Variants in GPC6 observed in about 807,000 individuals in gnomAD.
The protein encoded by GPC6 is glypican-6.
A neutral mutation model predicts 55.2 loss-of-function variants in GPC6; 14 were observed. That is an observed-to-expected ratio of 0.25 (90% CI 0.17 to 0.40). GPC6 has a LOEUF of 0.40. Among genes scored for constraint, GPC6 ranks in the 10% least tolerant of loss-of-function variants. The pLI is 1.00. For missense variants in GPC6, 641 were observed against 708.5 expected, an observed-to-expected ratio of 0.90 and a Z score of 1.08; for synonymous variants, 278 against 259.6, an observed-to-expected ratio of 1.07 and a Z score of -0.68.
At chr13:93,521,352 T>G (rs1881415675) in intron 1 of GPC6, among the ~76,000 whole-genome samples, 1 of 151,938 alleles carries the variant, frequency 6.6e-6, no homozygotes, top group Non-Finnish European at 1.5e-5. Context: ...GAAATTATCT[T>G]GATGCGATAG....
intron 4 of GPC6, among the ~76,000 whole-genome samples, chr13:94,263,070 A>T (rs1278357686): frequency 6.6e-6 from 1 of 152,228 alleles, no homozygotes; most frequent in Non-Finnish European, 1.5e-5. Flanking sequence ...CTTCCTTCAT[A>T]TGTTGTCTCA....
chr13:93,453,647 A>G (rs1878314275), intron 1 of GPC6, among the ~76,000 whole-genome samples: 1 of 151,050 alleles, frequency 6.6e-6, no homozygotes, highest in Admixed American at 6.6e-5. Flanking sequence ...TCGCGGTCTC[A>G]CTGGCTCAGG....
At chr13:94,353,390 C>T (rs1256431837) in intron 6 of GPC6, among the ~76,000 whole-genome samples, 1 of 152,142 alleles carries the variant, frequency 6.6e-6, no homozygotes, top group Non-Finnish European at 1.5e-5. Context: ...ATTGCTTTAT[C>T]CTCTCTCCTC....
At chr13:94,175,770 T>C (rs1281217644) in intron 4 of GPC6, among the ~76,000 whole-genome samples, 1 of 150,236 alleles carries the variant, frequency 6.7e-6, no homozygotes, top group Non-Finnish European at 1.5e-5. Flanking sequence ...TGAGCATCTT[T>C]CATATATATA....
chr13:94,000,185 A>C (rs1457381344), intron 3 of GPC6, among the ~76,000 whole-genome samples: 1 of 152,162 alleles, frequency 6.6e-6, no homozygotes, highest in African/African-American at 2.4e-5. Context: ...CCAACTAGAC[A>C]TGTAGATAGT....
intron 2 of GPC6, among the ~76,000 whole-genome samples, chr13:93,828,443 C>T (rs1201281115): frequency 1.3e-5 from 2 of 151,842 alleles, no homozygotes; most frequent in Non-Finnish European, 2.9e-5. Context: ...ATGAAATTCT[C>T]TTGATTTCCT....
chr13:94,286,390 A>G lies in GPC6; in HGVS notation c.919A>G (p.Asn307Asp), dbSNP rs750645627. 1 of 1,613,786 alleles carries G rather than the reference A, an allele frequency of 6.2e-7. No homozygotes were observed. The highest frequency in any genetic ancestry group is 1.1e-5 in the South Asian group (1 of 91,078). ...LVAERLEGPF[N>D]IESVMDPIDV... ...GGCAGAGCGACTGGAGGGGCCATTCAACATTGAGTCGGTCATGGACCCGAT... is the reference window on the plus strand; with the variant it reads ...GGCAGAGCGACTGGAGGGGCCATTCGACATTGAGTCGGTCATGGACCCGAT... Residue 307 changes from asparagine to aspartate, a missense_variant, in exon 5 of 9, where the codon AAC becomes GAC. Asn to Asp is a conservative substitution (Grantham distance 23, BLOSUM62 1). Transcript: ENST00000377047.
intron 1 of GPC6, among the ~76,000 whole-genome samples, chr13:93,312,178 C>T (rs1879092457): frequency 6.6e-6 from 1 of 152,024 alleles, no homozygotes. Context: ...GGAAAATAGT[C>T]AGTTTTTTGT....
intron 2 of GPC6, among the ~76,000 whole-genome samples, chr13:93,788,779 T>G (rs771086509): frequency 6.6e-6 from 1 of 152,086 alleles, no homozygotes; most frequent in Non-Finnish European, 1.5e-5. Context: ...AGACAGGCTA[T>G]ATTAAGCCAA....
chr13:93,819,625 C>G (rs9589848), intron 2 of GPC6, among the ~76,000 whole-genome samples: 57,851 of 152,018 alleles, frequency 0.38, 11,891 homozygotes, highest in African/African-American at 0.53. Flanking sequence ...TGATGAAAGT[C>G]AACTGCGAAA....
At chr13:94,327,759 A>T (rs1877202205) in intron 6 of GPC6, among the ~76,000 whole-genome samples, 2 of 152,192 alleles carry the variant, frequency 1.3e-5, no homozygotes, top group Non-Finnish European at 2.9e-5. Flanking sequence ...GAAGTGTGAT[A>T]CCCAGTAAAA....
At chr13:94,379,690 C>A (rs1417832981) in intron 6 of GPC6, among the ~76,000 whole-genome samples, 1 of 152,140 alleles carries the variant, frequency 6.6e-6, no homozygotes, top group South Asian at 2.1e-4. Context: ...CCTGTGTGAC[C>A]AACTAATCCT....
intron 3 of GPC6, among the ~76,000 whole-genome samples, chr13:93,868,347 A>G (rs573955727): frequency 7.9e-5 from 12 of 151,914 alleles, no homozygotes; most frequent in African/African-American, 2.6e-4. Context: ...ATTTCTGTCT[A>G]TATAGTTATA....
At chr13:93,220,421 C>T in the GPC6 span, among the ~76,000 whole-genome samples, 1 of 152,172 alleles carries the variant, frequency 6.6e-6, no homozygotes, top group Non-Finnish European at 1.5e-5. Context: ...AATCATCTCT[C>T]ATAACATTAA....
chr13:94,214,621 T>A (rs1385860679), intron 4 of GPC6, among the ~76,000 whole-genome samples: 1 of 152,200 alleles, frequency 6.6e-6, no homozygotes, highest in African/African-American at 2.4e-5. Context: ...GTTGGCCCTC[T>A]ATCTATTTAC....
At chr13:93,449,709 T>A (rs1878150044) in intron 1 of GPC6, among the ~76,000 whole-genome samples, 1 of 151,784 alleles carries the variant, frequency 6.6e-6, no homozygotes, top group Non-Finnish European at 1.5e-5. Context: ...GCACCTGTAA[T>A]CCCAGCTACT....
chr13:94,386,722 G>T (rs1301508903), intron 7 of GPC6, among the ~76,000 whole-genome samples: 2 of 152,208 alleles, frequency 1.3e-5, no homozygotes, highest in Non-Finnish European at 2.9e-5. Flanking sequence ...ACTCAAGCCT[G>T]TGTGATAGGT....
At chr13:94,398,317 T>C in intron 7 of GPC6, 149 bp from the exon 8 acceptor site, 3 of 658,606 alleles carry the variant, frequency 4.6e-6, no homozygotes, top group Non-Finnish European at 8.2e-6. Context: ...TTTCACTATT[T>C]GGCATTTTTT....
chr13:93,328,791 T>C (rs1380258380), intron 1 of GPC6, among the ~76,000 whole-genome samples: 1 of 152,118 alleles, frequency 6.6e-6, no homozygotes, highest in Non-Finnish European at 1.5e-5. Context: ...TTATTTGCCA[T>C]GTATTTATTA....
Sources: gnomAD v4.1 joint callset for allele counts (sites outside exome capture counted in the v4.1 genomes callset) on GRCh38, gnomAD v4.1.1 for gene constraint, MANE v1.5 for transcripts, NCBI Gene and HGNC (gene_info 2026-07-23, HGNC 2026-07-21) for gene names.